RERG: variants seen among roughly 807,000 people sequenced by gnomAD.
RERG encodes the protein RAS like estrogen regulated growth inhibitor.
In RERG, 25 loss-of-function variants were observed where a neutral mutation model predicts 23.2. That is an observed-to-expected ratio of 1.08 (90% CI 0.79 to 1.50). RERG has a LOEUF of 1.50. RERG is among the 40% of genes most tolerant of loss of function. The pLI is 0.00. For synonymous variants in RERG, 81 were observed against 89.1 expected, an observed-to-expected ratio of 0.91 and a Z score of 0.51; for missense variants, 253 against 250.1, an observed-to-expected ratio of 1.01 and a Z score of -0.08.
chr12:15,149,687 A>G (rs1864405105), intron 2 of RERG, among the ~76,000 whole-genome samples: 1 of 152,256 alleles, frequency 6.6e-6, no homozygotes, highest in Admixed American at 6.5e-5. Flanking sequence ...AGTTACATGC[A>G]CATAGATGAT....
chr12:15,195,027 T>C (rs1865123222), intron 2 of RERG, among the ~76,000 whole-genome samples: 1 of 152,080 alleles, frequency 6.6e-6, no homozygotes, highest in Non-Finnish European at 1.5e-5. Context: ...CAGCAAACAC[T>C]TTGTGGAAAG....
At chr12:15,207,184 G>A (rs1439519471) in intron 2 of RERG, among the ~76,000 whole-genome samples, 1 of 152,096 alleles carries the variant, frequency 6.6e-6, no homozygotes, top group Non-Finnish European at 1.5e-5. Flanking sequence ...GGAAAATTCT[G>A]TGATTCAAGT....
chr12:15,184,738 G>A (rs960762999), intron 2 of RERG, among the ~76,000 whole-genome samples: 3 of 152,112 alleles, frequency 2.0e-5, no homozygotes, highest in African/African-American at 7.2e-5. Context: ...GTCAGCTTGT[G>A]GGAAATTATG....
At chr12:15,220,789 T>C (rs933580276) in intron 1 of RERG, among the ~76,000 whole-genome samples, 5 of 152,312 alleles carry the variant, frequency 3.3e-5, no homozygotes, top group African/African-American at 1.2e-4. Context: ...AAATCAAGTT[T>C]TCCTGGTCTC....
chr12:15,211,107 G>T (rs1316667396), intron 2 of RERG, among the ~76,000 whole-genome samples: 1 of 152,092 alleles, frequency 6.6e-6, no homozygotes, highest in Non-Finnish European at 1.5e-5. Flanking sequence ...TGGGCAGAGG[G>T]AAGCATAATC....
chr12:15,142,702 GA>G (rs1475999289), intron 2 of RERG, among the ~76,000 whole-genome samples: 9 of 152,232 alleles, frequency 5.9e-5, no homozygotes, highest in East Asian at 5.8e-4. Flanking sequence ...AGAGAAGAGA[GA>G]GGGGGGGTAG....
chr12:15,218,601 G>C (rs550434231), intron 1 of RERG, among the ~76,000 whole-genome samples: 150 of 151,938 alleles, frequency 9.9e-4, no homozygotes, highest in Non-Finnish European at 1.9e-3. Context: ...TTCTAATATT[G>C]AGCTCTAAAC....
chr12:15,124,503 C>T (rs1454972500), intron 2 of RERG, among the ~76,000 whole-genome samples: 1 of 151,994 alleles, frequency 6.6e-6, no homozygotes, highest in Non-Finnish European at 1.5e-5. Context: ...CAGTATCATA[C>T]TTGAAAAATA....
rs536250300 is a variant in RERG at position 15,121,786 on chromosome 12, T to A, written c.62-667A>T. On this transcript the variant is annotated intron_variant, in intron 2 of 4. Transcript: ENST00000256953. ...GAAACTGAGGCACTGTGGGGTTAACTCATTTAATTAAGCTTATCTAGTTAG... is the reference window on the plus strand; with the variant it reads ...GAAACTGAGGCACTGTGGGGTTAACACATTTAATTAAGCTTATCTAGTTAG... Among the ~76,000 whole-genome samples the A allele has an allele frequency of 2.4e-4, 36 of 152,286 alleles. 1 individual carries two copies. The South Asian group carries it at 7.2e-3, about 31-fold the overall frequency.
intron 4 of RERG, among the ~76,000 whole-genome samples, chr12:15,110,361 T>G (rs1156314702): frequency 6.6e-6 from 1 of 151,646 alleles, no homozygotes; most frequent in Non-Finnish European, 1.5e-5. Flanking sequence ...AGAACCTTTC[T>G]GGGTTTAAAC....
chr12:15,113,205 A>G (rs563861760), intron 3 of RERG, among the ~76,000 whole-genome samples: 3 of 152,218 alleles, frequency 2.0e-5, no homozygotes, highest in Non-Finnish European at 4.4e-5. Context: ...AGAAGATGTT[A>G]TAACTCTTAA....
chr12:15,207,134 T>C (rs1046413925), intron 2 of RERG, among the ~76,000 whole-genome samples: 2 of 152,152 alleles, frequency 1.3e-5, no homozygotes, highest in African/African-American at 4.8e-5. Context: ...TTCACTAGAA[T>C]TTCTCATCGT....
At chr12:15,201,141 T>C (rs1465682973) in intron 2 of RERG, among the ~76,000 whole-genome samples, 1 of 151,952 alleles carries the variant, frequency 6.6e-6, no homozygotes, top group Non-Finnish European at 1.5e-5. Context: ...CCTCACTTTT[T>C]TTCTAGCAAT....
intron 2 of RERG, among the ~76,000 whole-genome samples, chr12:15,146,730 C>A (rs1362724530): frequency 6.6e-6 from 1 of 152,200 alleles, no homozygotes; most frequent in Non-Finnish European, 1.5e-5. Flanking sequence ...CTCCCAGGCA[C>A]AGAGCATGGG....
At chr12:15,127,834 T>G (rs1394768387) in intron 2 of RERG, among the ~76,000 whole-genome samples, 1 of 152,290 alleles carries the variant, frequency 6.6e-6, no homozygotes, top group East Asian at 1.9e-4. Context: ...AGGTTAAATA[T>G]CAAAAGGAAG....
At chr12:15,217,811 G>A in intron 1 of RERG, 1 of 241,890 alleles carries the variant, frequency 4.1e-6, no homozygotes, top group Non-Finnish European at 8.0e-6. Context: ...GATCTGGTTG[G>A]TACTAAAACG....
chr12:15,214,271 A>G (rs942420963), intron 2 of RERG, among the ~76,000 whole-genome samples: 4 of 152,198 alleles, frequency 2.6e-5, no homozygotes, highest in South Asian at 2.1e-4. Context: ...ATGCTATTAT[A>G]TGTTCTTCAT....
chr12:15,173,153 G>T (rs561262236), intron 2 of RERG, among the ~76,000 whole-genome samples: 2 of 152,108 alleles, frequency 1.3e-5, no homozygotes, highest in East Asian at 3.9e-4. Flanking sequence ...AAATTTTGCA[G>T]ATAGTGTGAG....
chr12:15,213,921 T>A (rs1865403124), intron 2 of RERG, among the ~76,000 whole-genome samples: 1 of 152,148 alleles, frequency 6.6e-6, no homozygotes, highest in South Asian at 2.1e-4. Flanking sequence ...GAAGTATTGT[T>A]ATGATCATCT....
Sources: allele counts gnomAD v4.1 joint callset (sites outside exome capture counted in the v4.1 genomes callset), GRCh38; gene constraint gnomAD v4.1.1; transcripts MANE v1.5; gene names NCBI Gene and HGNC (gene_info 2026-07-23, HGNC 2026-07-21).